PPARGC1A: variants seen among roughly 807,000 people sequenced by gnomAD.
PPARGC1A encodes PPARG coactivator 1 alpha.
PPARGC1A carries 25 observed loss-of-function variants against 88.7 expected under a neutral mutation model. The observed-to-expected ratio is 0.28, with a 90% CI of 0.21 to 0.39. The LOEUF (loss-of-function observed/expected upper bound fraction) is 0.39. Among genes scored for constraint, PPARGC1A ranks in the 10% least tolerant of loss-of-function variants. The pLI is 1.00. For synonymous variants in PPARGC1A, 363 were observed against 355.6 expected (o/e 1.02, Z -0.24); for missense variants, 880 against 968.7 (o/e 0.91, Z 1.22).
chr4:23,903,901 T>C (rs1577710020), upstream of PPARGC1A: 1 of 375,094 alleles, frequency 2.7e-6, no homozygotes, highest in South Asian at 1.1e-4. Context: ...TATATGTATC[T>C]TTAAAAGCCC....
chr4:23,907,770 C>T (rs1720225269), upstream of PPARGC1A, among the ~76,000 whole-genome samples: 1 of 152,186 alleles, frequency 6.6e-6, no homozygotes, highest in Non-Finnish European at 1.5e-5. Flanking sequence ...TTCTGTTCTC[C>T]TAACCTTTCC....
upstream of PPARGC1A, among the ~76,000 whole-genome samples, chr4:23,890,602 C>CTTTTTTTTTTTTTTT (rs56855205): frequency 1.9e-5 from 2 of 103,266 alleles, no homozygotes; most frequent in African/African-American, 7.3e-5. Flanking sequence ...GCAAACGGGG[C>CTTTTTTTTTTTTTTT]TTTTTTTTTT....
At chr4:23,824,249 A>T (rs1323718983) in intron 7 of PPARGC1A, 31 bp downstream of exon 7, 1 of 1,571,482 alleles carries the variant, frequency 6.4e-7, no homozygotes, top group East Asian at 2.2e-5. Flanking sequence ...AGACAGACAC[A>T]CACAAGTTCT....
rs563642050 is a variant in PPARGC1A, at chr4:23,856,638, C to T, written c.235-24887G>A. On this transcript the variant is annotated intron_variant, in intron 2 of 12. Coordinates refer to ENST00000264867, the MANE Select transcript of PPARGC1A (RefSeq NM_013261.5). ...AGAGAGAATCCCAATTTGGTCATTT[C>T]TCCAACAAATGTTTCTTGGGTGCAT... Among the ~76,000 whole-genome samples, 165 of 152,258 alleles carry T rather than the reference C, an allele frequency of 1.1e-3. 1 individual carries two copies. Among genetic ancestry groups the T allele is most frequent in the African/African-American group, 3.8e-3 (157 of 41,560 alleles).
At chr4:24,249,892 G>C in the PPARGC1A span, among the ~76,000 whole-genome samples, 1 of 152,194 alleles carries the variant, frequency 6.6e-6, no homozygotes, top group Non-Finnish European at 1.5e-5. Flanking sequence ...CATAGTAAGT[G>C]CTCAATACAT....
At chr4:24,454,341 G>A in the PPARGC1A span, among the ~76,000 whole-genome samples, 1 of 151,748 alleles carries the variant, frequency 6.6e-6, no homozygotes, top group Non-Finnish European at 1.5e-5. Flanking sequence ...AAAGTTTTGG[G>A]GTAGTTTTTG....
chr4:23,925,894 G>A, the PPARGC1A span, among the ~76,000 whole-genome samples: 4 of 152,150 alleles, frequency 2.6e-5, no homozygotes, highest in African/African-American at 9.7e-5. Flanking sequence ...AGTCAAGGCA[G>A]TTCCCATAAA....
At chr4:24,400,969 A>T in the PPARGC1A span, among the ~76,000 whole-genome samples, 1 of 151,150 alleles carries the variant, frequency 6.6e-6, no homozygotes, top group African/African-American at 2.4e-5. Context: ...GGAACATATG[A>T]ACCTGTATCA....
At chr4:24,407,059 C>T in the PPARGC1A span, among the ~76,000 whole-genome samples, 1 of 152,098 alleles carries the variant, frequency 6.6e-6, no homozygotes, top group African/African-American at 2.4e-5. Context: ...TACCAGGCAC[C>T]ACCAGACATG....
chr4:24,379,847 C>T, the PPARGC1A span, among the ~76,000 whole-genome samples: 285 of 146,182 alleles, frequency 1.9e-3, 3 homozygotes, highest in African/African-American at 6.7e-3. Context: ...TGGCACGATT[C>T]GGCTCACTGC....
Position 23,812,738 on chromosome 4 carries a change from G to A in PPARGC1A, c.2019+9C>T, listed in dbSNP as rs113449239. On this transcript the variant is annotated intron_variant, in intron 10 of 12. Transcript: ENST00000264867. ...ACTTTAAAATAAAAGTGAGCTCCAGGCCACTTACAATTGCCTTCTGCCTCT... is the reference window on the plus strand; with the variant it reads ...ACTTTAAAATAAAAGTGAGCTCCAGACCACTTACAATTGCCTTCTGCCTCT... 8 of 1,613,774 alleles carry A rather than the reference G, an allele frequency of 5.0e-6. No individual in the cohort carries two copies. The highest frequency in any genetic ancestry group is 6.8e-6 in the Non-Finnish European group (8 of 1,179,882).
At chr4:24,397,574 T>C in the PPARGC1A span, among the ~76,000 whole-genome samples, 1 of 152,168 alleles carries the variant, frequency 6.6e-6, no homozygotes, top group Non-Finnish European at 1.5e-5. Context: ...AGAGACATAC[T>C]TTCTTCTCCC....
chr4:24,056,982 T>TA, the PPARGC1A span, among the ~76,000 whole-genome samples: 80 of 152,268 alleles, frequency 5.3e-4, no homozygotes, highest in African/African-American at 1.9e-3. Context: ...ATCAGGGTCT[T>TA]AAAAAGAGAT....
At chr4:24,163,277 T>C in the PPARGC1A span, among the ~76,000 whole-genome samples, 2 of 150,950 alleles carry the variant, frequency 1.3e-5, no homozygotes, top group Non-Finnish European at 2.9e-5. Context: ...TTCTAATCAT[T>C]CTTATCCAAA....
the PPARGC1A span, among the ~76,000 whole-genome samples, chr4:24,110,441 A>T: frequency 6.6e-6 from 1 of 152,160 alleles, no homozygotes; most frequent in Non-Finnish European, 1.5e-5. Flanking sequence ...GTGCTGTGGG[A>T]CTTAAAAGTC....
chr4:24,071,202 A>T, the PPARGC1A span, among the ~76,000 whole-genome samples: 1 of 152,156 alleles, frequency 6.6e-6, no homozygotes, highest in Non-Finnish European at 1.5e-5. Context: ...ATATACAGAC[A>T]CACACCCACA....
chr4:24,172,121 A>G, the PPARGC1A span, among the ~76,000 whole-genome samples: 1 of 152,276 alleles, frequency 6.6e-6, no homozygotes, highest in South Asian at 2.1e-4. Flanking sequence ...AGTATTACCA[A>G]AGAGAAAAAG....
chr4:23,870,465 C>T (rs1713061063), intron 2 of PPARGC1A, among the ~76,000 whole-genome samples: 2 of 152,174 alleles, frequency 1.3e-5, no homozygotes, highest in Non-Finnish European at 2.9e-5. Flanking sequence ...GTAGTCTTGT[C>T]TCTTTTGGTC....
At chr4:23,903,766 C>T (rs1208313101), upstream of PPARGC1A, among the ~76,000 whole-genome samples, 6 of 152,216 alleles carry the variant, frequency 3.9e-5, no homozygotes, top group East Asian at 7.7e-4. Context: ...GCATTTTATT[C>T]ACTCTACAAC....
Sources: gnomAD v4.1 joint callset for allele counts (sites outside exome capture counted in the v4.1 genomes callset) on GRCh38, gnomAD v4.1.1 for gene constraint, MANE v1.5 for transcripts, NCBI Gene and HGNC (gene_info 2026-07-23, HGNC 2026-07-21) for gene names.